UVRAG: variants seen among roughly 807,000 people sequenced by gnomAD.
The protein encoded by UVRAG is UV radiation resistance associated.
A neutral mutation model predicts 78.0 loss-of-function variants in UVRAG; 19 were observed. The ratio of observed to expected loss-of-function variants is 0.24; its 90% CI spans 0.17 to 0.36. UVRAG has a LOEUF of 0.36. UVRAG is among the 10% of genes least tolerant of loss of function. UVRAG has a pLI of 1.00. For synonymous variants in UVRAG, 323 were observed against 324.6 expected (o/e 1.00, Z 0.05); for missense variants, 740 against 853.8 (o/e 0.87, Z 1.66).
At chr11:75,828,938 C>G (rs1230245791) in intron 1 of UVRAG, among the ~76,000 whole-genome samples, 1 of 151,014 alleles carries the variant, frequency 6.6e-6, no homozygotes, top group Non-Finnish European at 1.5e-5. Context: ...CCAGGCTGGT[C>G]TCAAACTCCT....
chr11:76,042,336 C>A (rs1337761235), intron 12 of UVRAG, among the ~76,000 whole-genome samples: 1 of 152,122 alleles, frequency 6.6e-6, no homozygotes, highest in African/African-American at 2.4e-5. Flanking sequence ...TTCATAGAAA[C>A]ACTTGTATTT....
intron 12 of UVRAG, among the ~76,000 whole-genome samples, chr11:76,065,149 C>T (rs1413349835): frequency 6.6e-6 from 1 of 152,232 alleles, no homozygotes; most frequent in East Asian, 1.9e-4. Context: ...AGCCTTATGG[C>T]ATGAGCACAT....
At chr11:76,014,606 A>G (rs1950114241) in intron 11 of UVRAG, among the ~76,000 whole-genome samples, 1 of 152,224 alleles carries the variant, frequency 6.6e-6, no homozygotes, top group East Asian at 1.9e-4. Flanking sequence ...ACTCACAGTT[A>G]CAGCTGTGAC....
chr11:75,905,791 A>C (rs1168197908), intron 5 of UVRAG, among the ~76,000 whole-genome samples: 4 of 152,028 alleles, frequency 2.6e-5, no homozygotes, highest in Admixed American at 2.6e-4. Context: ...TGTTTGTTTG[A>C]GTCCCTGTTT....
intron 12 of UVRAG, among the ~76,000 whole-genome samples, chr11:76,017,557 A>G (rs898472318): frequency 1.3e-5 from 2 of 152,190 alleles, no homozygotes; most frequent in African/African-American, 2.4e-5. Flanking sequence ...AAGCACTAAC[A>G]AAACAGAATG....
At chr11:76,052,354 T>A (rs1950886299) in intron 12 of UVRAG, among the ~76,000 whole-genome samples, 1 of 152,214 alleles carries the variant, frequency 6.6e-6, no homozygotes, top group Non-Finnish European at 1.5e-5. Context: ...TTCTGTACTC[T>A]CACCTGTGTG....
chr11:75,854,242 T>C (rs1318488353), intron 2 of UVRAG, among the ~76,000 whole-genome samples: 1 of 152,190 alleles, frequency 6.6e-6, no homozygotes, highest in Non-Finnish European at 1.5e-5. Flanking sequence ...AAGTGATGAC[T>C]CAGGTATGCA....
chr11:76,032,057 C>G (rs910988646), intron 12 of UVRAG, among the ~76,000 whole-genome samples: 15 of 152,058 alleles, frequency 9.9e-5, no homozygotes, highest in African/African-American at 3.1e-4. Flanking sequence ...GTAATTATAT[C>G]AAGCCAGAGA....
chr11:75,839,680 C>G (rs980601570), intron 1 of UVRAG, among the ~76,000 whole-genome samples: 5 of 151,776 alleles, frequency 3.3e-5, no homozygotes, highest in Admixed American at 6.6e-5. Flanking sequence ...TCTTTCTGTT[C>G]CTATTGATAA....
chr11:75,965,881 C>G (rs1949012779), intron 7 of UVRAG, among the ~76,000 whole-genome samples: 2 of 151,952 alleles, frequency 1.3e-5, no homozygotes, highest in African/African-American at 4.8e-5. Flanking sequence ...CAGTTTTATG[C>G]CCTTTATTTG....
At chr11:75,849,877 A>G (rs1374937838) in intron 1 of UVRAG, among the ~76,000 whole-genome samples, 3 of 152,276 alleles carry the variant, frequency 2.0e-5, no homozygotes, top group African/African-American at 7.2e-5. Flanking sequence ...CAAAGCAAGC[A>G]AAGAGTGAAG....
At chr11:76,095,619 A>G (rs921256135) in intron 13 of UVRAG, among the ~76,000 whole-genome samples, 3 of 151,258 alleles carry the variant, frequency 2.0e-5, no homozygotes, top group African/African-American at 4.8e-5. Flanking sequence ...TGTAATCCCA[A>G]TGCTTTGGGA....
chr11:75,999,211 T>C (rs1949762347), intron 8 of UVRAG, among the ~76,000 whole-genome samples: 1 of 139,468 alleles, frequency 7.2e-6, no homozygotes. Context: ...CCAGCCTGGG[T>C]GACCGGGCAA....
intron 6 of UVRAG, among the ~76,000 whole-genome samples, chr11:75,953,983 C>T (rs1948749893): frequency 6.6e-6 from 1 of 152,188 alleles, no homozygotes; most frequent in Non-Finnish European, 1.5e-5. Flanking sequence ...AAACATTACT[C>T]TGAAATTGGC....
chr11:75,821,504 G>A (rs912596857), intron 1 of UVRAG, among the ~76,000 whole-genome samples: 2 of 152,004 alleles, frequency 1.3e-5, no homozygotes, highest in South Asian at 4.2e-4. Context: ...GTGCCTCCAC[G>A]CCCAGCTAAT....
At chr11:75,841,341 A>G (rs1368513618) in intron 1 of UVRAG, among the ~76,000 whole-genome samples, 1 of 152,232 alleles carries the variant, frequency 6.6e-6, no homozygotes, top group Non-Finnish European at 1.5e-5. Flanking sequence ...TAAGCTAAGA[A>G]TGGTTATTAT....
At chr11:75,977,725 T>G (rs1028751969) in intron 7 of UVRAG, among the ~76,000 whole-genome samples, 2 of 152,192 alleles carry the variant, frequency 1.3e-5, no homozygotes, top group South Asian at 2.1e-4. Context: ...ATTTGCTTGG[T>G]AGATGTTCCT....
intron 12 of UVRAG, among the ~76,000 whole-genome samples, chr11:76,024,536 A>G (rs1430934742): frequency 6.6e-6 from 1 of 152,180 alleles, no homozygotes; most frequent in Non-Finnish European, 1.5e-5. Flanking sequence ...GATAAAAATG[A>G]GATGCATCTT....
chr11:75,854,308 A>G (rs1565346889), intron 2 of UVRAG, among the ~76,000 whole-genome samples: 1 of 152,212 alleles, frequency 6.6e-6, no homozygotes. Flanking sequence ...TGGCATGGCC[A>G]GAGATAGAAG....
Sources: allele counts gnomAD v4.1 joint callset (sites outside exome capture counted in the v4.1 genomes callset), GRCh38; gene constraint gnomAD v4.1.1; transcripts MANE v1.5; gene names NCBI Gene and HGNC (gene_info 2026-07-23, HGNC 2026-07-21).